Variants in ABI1 observed in about 807,000 individuals in gnomAD.
ABI1 encodes Abelson interactor 1.
Under a neutral mutation model 54.6 loss-of-function variants are expected in ABI1, and 14 were observed. The observed-to-expected ratio is 0.26, with a 90% confidence interval of 0.17 to 0.40. ABI1 has a LOEUF of 0.40. Ranked by LOEUF, ABI1 falls within the 10% of genes least tolerant of loss-of-function variation. The pLI is 1.00. For missense variants in ABI1, 443 were observed against 598.3 expected (o/e 0.74, Z 2.71); for synonymous variants, 194 against 209.3 (o/e 0.93, Z 0.63).
chr10:26,746,877 T>TAAC lies in ABI1; in HGVS notation c.*1690_*1692dup. The TAAC allele has an allele frequency of 3.2e-6, 1 of 311,822 alleles. No homozygotes were observed. Among genetic ancestry groups the TAAC allele is most frequent in the South Asian group, 4.6e-5 (1 of 21,726 alleles). 19.3% of individuals were successfully genotyped at this position (311,822 alleles called of 1,614,324 possible). A position where few individuals can be genotyped will look rare whatever the true frequency, so the allele number is the denominator to read the frequency against. On this transcript the variant is annotated 3_prime_UTR_variant, in exon 11 of 11. Coordinates refer to ENST00000376140, the MANE Select transcript of ABI1 (RefSeq NM_001012750.3). ...ATTGAAGTCCACATGAGTTATATTT[T>TAAC]AACAGTATCCAAAATTTCATATAGG...
chr10:26,793,804 C>T lies in ABI1; in HGVS notation c.286-16563G>A, dbSNP rs746589805. Among the ~76,000 whole-genome samples the T allele has an allele frequency of 7.2e-5, 11 of 152,296 alleles. No individual in the cohort carries two copies. The East Asian group carries it at 7.7e-4, about 11-fold the overall frequency. ...CATGAATTTGAACTTAATTCTTCAA[C>T]CTACTACTTCTTACCTAACAACTAA... On this transcript the variant is annotated intron_variant, in intron 2 of 10. Coordinates refer to ENST00000376140, the MANE Select transcript of ABI1 (RefSeq NM_001012750.3).
intron 10 of ABI1, among the ~76,000 whole-genome samples, chr10:26,751,012 C>T (rs1335887196): frequency 1.3e-5 from 2 of 152,176 alleles, no homozygotes; most frequent in Non-Finnish European, 2.9e-5. Context: ...CCTCCACTTA[C>T]ATACAATGGG....
intron 10 of ABI1, among the ~76,000 whole-genome samples, chr10:26,749,604 C>A (rs1288688880): frequency 6.6e-6 from 1 of 152,158 alleles, no homozygotes; most frequent in Non-Finnish European, 1.5e-5. Flanking sequence ...CCACTTGCGG[C>A]ATCATGTTGG....
chr10:26,748,970 T>C (rs1295829177), intron 10 of ABI1, among the ~76,000 whole-genome samples: 1 of 152,226 alleles, frequency 6.6e-6, no homozygotes, highest in Non-Finnish European at 1.5e-5. Flanking sequence ...AATACATCAA[T>C]AGGTTCTGTC....
In ABI1 at chr10:26,817,230, C is replaced by T. The variant is rs184431128; in HGVS notation, c.285+5908G>A. 1.6e-4 allele frequency among the ~76,000 whole-genome samples: 25 copies of T among 152,156 alleles called. No homozygotes were observed. In the East Asian group the frequency reaches 4.8e-3, roughly 29 times the overall value. ...GGCCAGGCTGGTCTCAAACTCCTGA[C>T]CTCAAATGATCCACTCACCTCAGCC... On this transcript the variant is annotated intron_variant, in intron 2 of 10. Coordinates refer to ENST00000376140, the MANE Select transcript of ABI1 (RefSeq NM_001012750.3).
intron 3 of ABI1, among the ~76,000 whole-genome samples, chr10:26,771,646 C>T (rs1840706866): frequency 1.3e-5 from 2 of 152,130 alleles, no homozygotes; most frequent in Non-Finnish European, 2.9e-5. Context: ...ACAAATTCAT[C>T]ATGCACAGTG....
chr10:26,784,805 G>T (rs959187135), intron 2 of ABI1, among the ~76,000 whole-genome samples: 1 of 152,144 alleles, frequency 6.6e-6, no homozygotes. Context: ...CATTCAGGAC[G>T]GTCTAAAATC....
At chr10:26,763,732 A>G (rs1012337947) in intron 7 of ABI1, 2 of 623,094 alleles carry the variant, frequency 3.2e-6, no homozygotes, top group Admixed American at 2.9e-5. Context: ...TTTCACCAGA[A>G]GTTAGTGATA....
chr10:26,758,336 T>C (rs964093964), intron 8 of ABI1, among the ~76,000 whole-genome samples: 3 of 152,128 alleles, frequency 2.0e-5, no homozygotes, highest in African/African-American at 7.2e-5. Context: ...CAGGTTCATT[T>C]CTAATTTTGT....
intron 10 of ABI1, 47 bp downstream of exon 10, chr10:26,751,551 A>T: frequency 6.4e-7 from 1 of 1,562,938 alleles, no homozygotes; most frequent in East Asian, 2.3e-5. Context: ...CTAAATTTCT[A>T]CAATTAGGTT....
At chr10:26,764,650 TC>T (rs1839681327) in intron 7 of ABI1, among the ~76,000 whole-genome samples, 2 of 152,186 alleles carry the variant, frequency 1.3e-5, no homozygotes, top group African/African-American at 4.8e-5. Flanking sequence ...CTGGATTCAA[TC>T]AACCATAGAT....
At chr10:26,751,465 G>C (rs1837622266) in intron 10 of ABI1, 133 bp downstream of exon 10, 2 of 818,434 alleles carry the variant, frequency 2.4e-6, no homozygotes, top group South Asian at 4.4e-5. Context: ...TAGGAAGTAA[G>C]GTTTAAGTAA....
At chr10:26,799,540 A>G (rs2046406371) in intron 2 of ABI1, among the ~76,000 whole-genome samples, 1 of 152,204 alleles carries the variant, frequency 6.6e-6, no homozygotes, top group Admixed American at 6.5e-5. Context: ...AAGGAAACCA[A>G]CTGAAGGGGA....
At chr10:26,756,210 A>T (rs1336677987) in intron 8 of ABI1, among the ~76,000 whole-genome samples, 1 of 152,226 alleles carries the variant, frequency 6.6e-6, no homozygotes, top group Non-Finnish European at 1.5e-5. Context: ...TAAATAAAAC[A>T]AATATATAAT....
chr10:26,855,587 G>A (rs1313895323), intron 1 of ABI1, among the ~76,000 whole-genome samples: 2 of 152,196 alleles, frequency 1.3e-5, no homozygotes, highest in African/African-American at 2.4e-5. Context: ...AATGGAGTAC[G>A]TATTCAATAA....
chr10:26,760,789 T>C (rs921611499), intron 7 of ABI1, among the ~76,000 whole-genome samples: 18 of 145,686 alleles, frequency 1.2e-4, no homozygotes, highest in African/African-American at 4.6e-4. Flanking sequence ...ACTCGGGAGG[T>C]TGAGACAGGA....
chr10:26,836,237 C>A (rs1007045184), intron 1 of ABI1, among the ~76,000 whole-genome samples: 1 of 152,000 alleles, frequency 6.6e-6, no homozygotes, highest in African/African-American at 2.4e-5. Context: ...CTCAGCCTCC[C>A]GAGTAGCTGG....
intron 1 of ABI1, among the ~76,000 whole-genome samples, chr10:26,830,804 T>C (rs545786889): frequency 2.6e-5 from 4 of 152,354 alleles, no homozygotes; most frequent in African/African-American, 4.8e-5. Context: ...TATCTCATTA[T>C]GGTTTTAATT....
intron 2 of ABI1, among the ~76,000 whole-genome samples, chr10:26,821,932 G>C (rs1390964148): frequency 6.6e-6 from 1 of 151,956 alleles, no homozygotes; most frequent in African/African-American, 2.4e-5. Flanking sequence ...AAACAGAATA[G>C]GCTTGTATCC....
Sources: gnomAD v4.1 joint callset for allele counts (sites outside exome capture counted in the v4.1 genomes callset) on GRCh38, gnomAD v4.1.1 for gene constraint, MANE v1.5 for transcripts, NCBI Gene and HGNC (gene_info 2026-07-23, HGNC 2026-07-21) for gene names.